The following SLC25A46 variants were observed in gnomAD, a reference collection of about 807,000 sequenced individuals.
SLC25A46 encodes mitochondrial outer membrane protein SLC25A46.
A neutral mutation model predicts 44.6 loss-of-function variants in SLC25A46; 39 were observed. The observed-to-expected ratio is 0.87, with a 90% confidence interval of 0.68 to 1.14. SLC25A46 has a LOEUF of 1.14. Ranked by LOEUF, SLC25A46 falls within the 50% of genes most tolerant of loss-of-function variation. The pLI is 0.00. For missense variants in SLC25A46, 547 were observed against 522.7 expected (o/e 1.05, Z -0.45); for synonymous variants, 202 against 185.8 (o/e 1.09, Z -0.71).
intron 5 of SLC25A46, chr5:110,753,644 T>C (rs1189845071): frequency 1.3e-5 from 2 of 152,030 alleles, no homozygotes; most frequent in Non-Finnish European, 2.9e-5. Flanking sequence ...TAACAGTAAA[T>C]TTTACCCATT....
At position 110,739,383 on chromosome 5, in the gene SLC25A46, T is replaced by C. The variant is rs976459195; in HGVS notation, c.264T>C (p.Ser88=). 6.5e-7 allele frequency: 1 copy of C among 1,547,228 alleles called. No individual in the cohort carries two copies. Among genetic ancestry groups the C allele is most frequent in the Admixed American group, 1.9e-5 (1 of 51,624 alleles). The change falls in exon 1 of 8, where the codon AGT becomes AGC. Residue 88 remains serine, a synonymous_variant. Coordinates refer to ENST00000355943, the MANE Select transcript of SLC25A46 (RefSeq NM_138773.4). ...CCTTTTCCAGTGGCGGCGGCGGCAG[T>C]GTGCAGGGGCAGAGCAGTGGTGAGA... is the stretch of plus-strand genomic sequence containing the variant. ...EEPFSSGGGG[S]VQGQSSEQLN...
At chr5:110,743,859 T>C (rs776319472) in intron 3 of SLC25A46, 72 bp downstream of exon 3, 5 of 1,197,864 alleles carry the variant, frequency 4.2e-6, no homozygotes, top group Non-Finnish European at 6.0e-6. Context: ...CTCACATAAA[T>C]GACATGAAAC....
Position 110,761,874 on chromosome 5 carries a change from A to T in SLC25A46, c.*92A>T. On this transcript the variant is annotated 3_prime_UTR_variant, in exon 8 of 8. Coordinates refer to ENST00000355943, the MANE Select transcript of SLC25A46 (RefSeq NM_138773.4). This position sits in a 1 kb window ranked among gnomAD's most constrained non-coding sequence, Gnocchi z 5.3. ...GGATACAAGTGAAATACTGGGGAAG[A>T]AAATGGATTGGAAAGTAAAATTGGT... The T allele has an allele frequency of 9.2e-7, 1 of 1,092,054 alleles. No homozygotes were observed. The highest frequency in any genetic ancestry group is 1.6e-5 in the South Asian group (1 of 60,634). The allele number at this position is 1,092,054 out of a possible 1,614,324, so 67.6% of individuals were successfully genotyped here.
At chr5:110,741,505 C>T (rs977513875) in intron 1 of SLC25A46, among the ~76,000 whole-genome samples, 1 of 152,096 alleles carries the variant, frequency 6.6e-6, no homozygotes, top group African/African-American at 2.4e-5. Flanking sequence ...AAGTGCTCTC[C>T]GTCAGTAACA....
intron 7 of SLC25A46, among the ~76,000 whole-genome samples, chr5:110,758,401 G>A (rs1800166105): frequency 6.6e-6 from 1 of 151,944 alleles, no homozygotes; most frequent in Non-Finnish European, 1.5e-5. Flanking sequence ...ATATATTAGT[G>A]ATACTATTGT....
At chr5:110,754,382 ACTTTC>A (rs1561605988) in intron 5 of SLC25A46, 1 of 88,102 alleles carries the variant, frequency 1.1e-5, no homozygotes, top group African/African-American at 4.3e-5. Flanking sequence ...CTTCTTATTT[ACTTTC>A]TTTTTTTTTC....
At chr5:110,748,284 T>G in intron 5 of SLC25A46, 21 bp downstream of exon 5, 1 of 1,588,626 alleles carries the variant, frequency 6.3e-7, no homozygotes, top group Non-Finnish European at 8.6e-7. Context: ...TAGCATTTCT[T>G]CAGTATTAGT....
chr5:110,739,758 A>C (rs757211243), intron 1 of SLC25A46, among the ~76,000 whole-genome samples: 26 of 151,600 alleles, frequency 1.7e-4, no homozygotes, highest in Non-Finnish European at 2.7e-4. Flanking sequence ...TAATTAATTA[A>C]TTAATGTGTT....
chr5:110,738,941 T>A, upstream of SLC25A46: 1 of 1,430,574 alleles, frequency 7.0e-7, no homozygotes, highest in South Asian at 1.5e-5. Context: ...CTTTAATGGT[T>A]GCCGGAAGAG....
At position 110,764,555 on chromosome 5, in the gene SLC25A46, C is replaced by G. The variant is rs79543069; in HGVS notation, c.*2773C>G. On this transcript the variant is annotated 3_prime_UTR_variant, in exon 8 of 8. Transcript: ENST00000355943. ...TTACTATTGCAGATATACCTGACCACTCACAACTGTCTTTTTAGCAGCAGC... is the reference window on the plus strand; with the variant it reads ...TTACTATTGCAGATATACCTGACCAGTCACAACTGTCTTTTTAGCAGCAGC... The G allele has an allele frequency of 2.0e-5, 3 of 151,902 alleles. No individual in the cohort carries two copies. The highest frequency in any genetic ancestry group is 7.2e-5 in the African/African-American group (3 of 41,398). The allele number at this position is 151,902 out of a possible 1,614,324, so 9.4% of individuals were successfully genotyped here. A position where few individuals can be genotyped will look rare whatever the true frequency, so the allele number is the denominator to read the frequency against.
chr5:110,744,829 C>CTA, intron 3 of SLC25A46, among the ~76,000 whole-genome samples: 1 of 152,170 alleles, frequency 6.6e-6, no homozygotes, highest in Middle Eastern at 3.4e-3. Flanking sequence ...GCTTGCAGTT[C>CTA]TATCATACAA....
At chr5:110,741,837 C>G (rs1293966987) in intron 1 of SLC25A46, 2 of 489,430 alleles carry the variant, frequency 4.1e-6, no homozygotes, top group South Asian at 3.0e-5. Context: ...TTTAAACACT[C>G]TACACCTTGC....
In SLC25A46 at chr5:110,761,269, A is replaced by G. The variant is rs746385272; in HGVS notation, c.744A>G (p.Ile248Met). Reference sequence around the variant, plus strand: ...TTAAAGAAGGAATTGGAAGAGTGATAGGCATGGGAGTGCCTCATAGCAAAC... The same window carrying G: ...TTAAAGAAGGAATTGGAAGAGTGATGGGCATGGGAGTGCCTCATAGCAAAC... ...ECVKEGIGRVIGMGVPHSKRL... is the reference protein window; with the variant it reads ...ECVKEGIGRVMGMGVPHSKRL... The change falls in exon 8 of 8, where the codon ATA (isoleucine) becomes ATG (methionine). Residue 248 changes from isoleucine to methionine, a missense_variant. Coordinates refer to ENST00000355943, the MANE Select transcript of SLC25A46 (RefSeq NM_138773.4). The surrounding 1 kb of genome is among the most constrained non-coding windows in gnomAD (Gnocchi z 5.3). 6.2e-7 allele frequency: 1 copy of G among 1,613,666 alleles called. No homozygotes were observed. The highest frequency in any genetic ancestry group is 8.5e-7 in the Non-Finnish European group (1 of 1,179,718).
chr5:110,747,072 C>T (rs1799840353), intron 4 of SLC25A46, among the ~76,000 whole-genome samples: 1 of 152,138 alleles, frequency 6.6e-6, no homozygotes, highest in Admixed American at 6.5e-5. Flanking sequence ...GATTGTTTGG[C>T]AATATCTATT....
chr5:110,745,031 G>A (rs905110003), intron 3 of SLC25A46, among the ~76,000 whole-genome samples: 4 of 152,190 alleles, frequency 2.6e-5, no homozygotes, highest in Admixed American at 6.5e-5. Context: ...CTGTAAGTAC[G>A]AAAATACAGT....
chr5:110,738,988 A>C (rs1394757050), upstream of SLC25A46: 133 of 1,459,478 alleles, frequency 9.1e-5, no homozygotes, highest in Non-Finnish European at 1.2e-4. Context: ...CCGGGTTTCC[A>C]ACGTGACTTC....
rs933521608 is a variant in SLC25A46, at chr5:110,739,092, G to A, written c.-28G>A. 43 of 1,539,858 alleles carry A rather than the reference G, an allele frequency of 2.8e-5. No homozygotes were observed. Among genetic ancestry groups the A allele is most frequent in the Non-Finnish European group, 3.8e-5 (43 of 1,145,580 alleles). ...GCCCCGGTGGTGGTGGGCTCCGGGC[G>A]GGCTCGCGTCATCCTGCCCCCGCTG... On this transcript the variant is annotated 5_prime_UTR_variant, in exon 1 of 8. Transcript: ENST00000355943.
At chr5:110,754,404 T>G (rs1441133935) in intron 5 of SLC25A46, 1 of 150,056 alleles carries the variant, frequency 6.7e-6, no homozygotes, top group African/African-American at 2.4e-5. Context: ...TTTCTTTTCT[T>G]TTTTTTTTAC....
At chr5:110,745,346 T>C (rs1035568323) in intron 3 of SLC25A46, among the ~76,000 whole-genome samples, 1 of 152,014 alleles carries the variant, frequency 6.6e-6, no homozygotes, top group African/African-American at 2.4e-5. Context: ...CTCCGCCTCC[T>C]GGGTTCACGC....
Sources: allele counts gnomAD v4.1 joint callset (sites outside exome capture counted in the v4.1 genomes callset), GRCh38; gene constraint gnomAD v4.1.1; non-coding constraint Gnocchi (gnomAD v3.1); transcripts MANE v1.5; gene names NCBI Gene and HGNC (gene_info 2026-07-23, HGNC 2026-07-21).